KCNJ6: variants seen among roughly 807,000 people sequenced by gnomAD.
The protein encoded by KCNJ6 is G protein-activated inward rectifier potassium channel 2.
In KCNJ6, 9 loss-of-function variants were observed where a neutral mutation model predicts 34.2. The observed-to-expected ratio is 0.26, with a 90% CI of 0.16 to 0.46. The LOEUF (loss-of-function observed/expected upper bound fraction) is 0.46. KCNJ6 is among the 20% of genes least tolerant of loss of function. The pLI is 1.00. For synonymous variants in KCNJ6, 196 were observed against 207.1 expected (o/e 0.95, Z 0.46); for missense variants, 236 against 531.3 (o/e 0.44, Z 5.46).
intron 2 of KCNJ6, among the ~76,000 whole-genome samples, chr21:37,810,594 G>A (rs2055317840): frequency 6.6e-6 from 1 of 152,190 alleles, no homozygotes; most frequent in Non-Finnish European, 1.5e-5. Context: ...TTAAATATGA[G>A]CTTATAGCAG....
intron 2 of KCNJ6, among the ~76,000 whole-genome samples, chr21:37,822,404 C>T (rs1052928963): frequency 1.3e-5 from 2 of 152,116 alleles, no homozygotes; most frequent in South Asian, 4.1e-4. Flanking sequence ...TTTCCCCCAA[C>T]ACCAGACAGC....
At chr21:37,846,439 T>C (rs1284392948) in intron 1 of KCNJ6, among the ~76,000 whole-genome samples, 2 of 149,916 alleles carry the variant, frequency 1.3e-5, no homozygotes, top group African/African-American at 2.5e-5. Context: ...AGGAGATTGA[T>C]TCATGAATGC....
rs546825753 is a variant in KCNJ6 at position 37,642,541 on chromosome 21, A to C, written c.947-17057T>G. Among the ~76,000 whole-genome samples the C allele has an allele frequency of 1.7e-3, 262 of 152,290 alleles. 1 individual carries two copies. The highest frequency in any genetic ancestry group is 6.1e-3 in the African/African-American group (254 of 41,568). On this transcript the variant is annotated intron_variant, in intron 3 of 3. Transcript: ENST00000609713. The stretch of plus-strand genomic sequence containing the variant: ...AGGGAGCCAGTGAGGTGGTTTGAGA[A>C]GTGTTTGAGGTGAGGAGGTGGGAAG...
rs185885747 is a variant in KCNJ6, at chr21:37,868,730, C to A, written c.-27-28021G>T. ...AATCCCTGTGTAAATTCTCACAGCTCAAGACCTGTGCAATATTCTAAGCAG... is the reference window on the plus strand; with the variant it reads ...AATCCCTGTGTAAATTCTCACAGCTAAAGACCTGTGCAATATTCTAAGCAG... On this transcript the variant is annotated intron_variant, in intron 1 of 3. Coordinates refer to ENST00000609713, the MANE Select transcript of KCNJ6 (RefSeq NM_002240.5). Among the ~76,000 whole-genome samples, 15 of 152,312 alleles carry A rather than the reference C, an allele frequency of 9.8e-5. No homozygotes were observed. The East Asian group carries it at 2.9e-3, about 29-fold the overall frequency.
At chr21:37,648,994 T>C (rs2054418627) in intron 3 of KCNJ6, among the ~76,000 whole-genome samples, 1 of 144,908 alleles carries the variant, frequency 6.9e-6, no homozygotes, top group African/African-American at 2.6e-5. Flanking sequence ...TAGCTGGGTG[T>C]GGTGGCGGGT....
intron 3 of KCNJ6, among the ~76,000 whole-genome samples, chr21:37,649,132 CA>C (rs1169306298): frequency 0.019 from 766 of 40,008 alleles, 1 homozygote; most frequent in Middle Eastern, 0.035. Flanking sequence ...GACTCCATCT[CA>C]AAAAAAAAAA....
chr21:37,727,091 G>A (rs1206628965), intron 2 of KCNJ6, among the ~76,000 whole-genome samples: 2 of 152,208 alleles, frequency 1.3e-5, no homozygotes, highest in Admixed American at 6.5e-5. Flanking sequence ...CAGAGATGTG[G>A]TCTCAAGCCA....
intron 3 of KCNJ6, among the ~76,000 whole-genome samples, chr21:37,686,001 G>A (rs993718276): frequency 1.3e-5 from 2 of 151,916 alleles, no homozygotes; most frequent in African/African-American, 2.4e-5. Context: ...GGCATAGAAC[G>A]TTTCCAGAAA....
intron 2 of KCNJ6, among the ~76,000 whole-genome samples, chr21:37,838,944 C>T (rs545303954): frequency 6.6e-6 from 1 of 152,272 alleles, no homozygotes; most frequent in Admixed American, 6.5e-5. Flanking sequence ...GGAACCCCCT[C>T]CCCCTACTTC....
At chr21:37,732,520 C>T (rs1175400866) in intron 2 of KCNJ6, among the ~76,000 whole-genome samples, 7 of 152,250 alleles carry the variant, frequency 4.6e-5, no homozygotes, top group African/African-American at 7.2e-5. Context: ...GAGTGAGGAA[C>T]GGGGAAGCTA....
At chr21:37,629,260 T>C (rs1307693973) in intron 3 of KCNJ6, among the ~76,000 whole-genome samples, 1 of 152,228 alleles carries the variant, frequency 6.6e-6, no homozygotes, top group South Asian at 2.1e-4. Context: ...ATTATATGAA[T>C]ATATCATGGT....
At chr21:37,906,040 G>A (rs2055839927) in intron 1 of KCNJ6, among the ~76,000 whole-genome samples, 1 of 152,184 alleles carries the variant, frequency 6.6e-6, no homozygotes, top group East Asian at 1.9e-4. Context: ...CTTATTCACT[G>A]ATAGCATCTT....
intron 1 of KCNJ6, among the ~76,000 whole-genome samples, chr21:37,847,206 A>G (rs908273761): frequency 7.2e-5 from 11 of 152,230 alleles, no homozygotes; most frequent in Non-Finnish European, 1.5e-4. Context: ...CACATTTATT[A>G]TAGCCTGTCA....
intron 1 of KCNJ6, among the ~76,000 whole-genome samples, chr21:37,853,400 A>AC (rs2055547158): frequency 6.8e-6 from 1 of 147,390 alleles, no homozygotes; most frequent in Admixed American, 6.8e-5. Context: ...GGGAAAAAAA[A>AC]CATTTTCAGC....
intron 2 of KCNJ6, among the ~76,000 whole-genome samples, chr21:37,720,195 A>G (rs1302070719): frequency 6.6e-6 from 1 of 152,220 alleles, no homozygotes; most frequent in Non-Finnish European, 1.5e-5. Context: ...AATTAAAAAA[A>G]CAAATTGCCA....
At chr21:37,847,363 T>G (rs1271336205) in intron 1 of KCNJ6, among the ~76,000 whole-genome samples, 1 of 149,062 alleles carries the variant, frequency 6.7e-6, no homozygotes, top group Non-Finnish European at 1.5e-5. Context: ...GGAGTAGAGT[T>G]GAGCATGAAA....
intron 3 of KCNJ6, among the ~76,000 whole-genome samples, chr21:37,685,349 A>G (rs2054608497): frequency 6.6e-6 from 1 of 151,092 alleles, no homozygotes. Flanking sequence ...TAAAAGCAAA[A>G]TATGCATATC....
At chr21:37,795,352 A>G (rs574089099) in intron 2 of KCNJ6, among the ~76,000 whole-genome samples, 1 of 152,274 alleles carries the variant, frequency 6.6e-6, no homozygotes, top group Non-Finnish European at 1.5e-5. Context: ...TGCTGGGGTG[A>G]GGAAAATTAG....
intron 3 of KCNJ6, among the ~76,000 whole-genome samples, chr21:37,663,114 C>T (rs1268885922): frequency 2.6e-5 from 4 of 151,788 alleles, no homozygotes; most frequent in Admixed American, 6.6e-5. Flanking sequence ...AATAAAAGTT[C>T]AAGGAAGAAA....
Sources: gnomAD v4.1 joint callset for allele counts (sites outside exome capture counted in the v4.1 genomes callset) on GRCh38, gnomAD v4.1.1 for gene constraint, MANE v1.5 for transcripts, NCBI Gene and HGNC (gene_info 2026-07-23, HGNC 2026-07-21) for gene names.